Variants in MCF2L observed in about 807,000 individuals in gnomAD.
MCF2L encodes MCF.2 cell line derived transforming sequence like, also known as guanine nucleotide exchange factor DBS.
In MCF2L, 97 loss-of-function variants were observed where a neutral mutation model predicts 153.4. The observed-to-expected ratio is 0.63, with a 90% CI of 0.54 to 0.75. MCF2L has a LOEUF of 0.75. Among genes scored for constraint, MCF2L ranks in the 30% least tolerant of loss-of-function variants. The pLI is 0.00. For missense variants in MCF2L, 1,347 were observed against 1,495.2 expected (o/e 0.90, Z 1.64); for synonymous variants, 659 against 632.2 (o/e 1.04, Z -0.64).
Position 112,933,534 on chromosome 13 carries a change from C to T in MCF2L, c.169+31163C>T, listed in dbSNP as rs371195672. On this transcript the variant is annotated intron_variant, in intron 2 of 29. Transcript: ENST00000375608. ...GGAGAGGCCCCAGGACAGCCCTGGC[C>T]CTGCTGCAGATTCAGAAAGTGGGGG... 2.3e-3 allele frequency among the ~76,000 whole-genome samples: 346 copies of T among 152,294 alleles called. 2 individuals are homozygous for T. The highest frequency in any genetic ancestry group is 8.0e-3 in the African/African-American group (334 of 41,558).
At chr13:112,994,370 C>CA (rs1470375704) in intron 1 of MCF2L, among the ~76,000 whole-genome samples, 3 of 150,964 alleles carry the variant, frequency 2.0e-5, no homozygotes, top group Non-Finnish European at 4.4e-5. Flanking sequence ...GCCAATGGGG[C>CA]AAGGTGCGTG....
chr13:112,924,990 T>C (rs892478525), intron 2 of MCF2L, among the ~76,000 whole-genome samples: 11 of 152,210 alleles, frequency 7.2e-5, no homozygotes, highest in African/African-American at 2.7e-4. Flanking sequence ...AAGATGACCT[T>C]GGTTATCAAT....
chr13:112,950,814 A>G (rs1171359875), intron 2 of MCF2L, among the ~76,000 whole-genome samples: 4 of 152,334 alleles, frequency 2.6e-5, no homozygotes, highest in Admixed American at 2.6e-4. Context: ...CTTAGGACCT[A>G]AAGCTGAACA....
chr13:112,967,738 G>A (rs1295695093), upstream of MCF2L: 1 of 152,978 alleles, frequency 6.5e-6, no homozygotes, highest in African/African-American at 2.4e-5. Flanking sequence ...TGCTCTTTTG[G>A]ACGCTGGAAT....
rs958465746 is a variant in MCF2L at position 113,096,401 on chromosome 13, C to T, written c.3106C>T (p.His1036Tyr). ...AGGTAAATACACGGTCGTGGCGGAC[C>T]ACGAGAAGGGAGGCCCCGATGCGCT... ...VPGKYTVVAD[H>Y]EKGGPDALRV... Residue 1036 changes from histidine to tyrosine, a missense_variant, in exon 28 of 30, where the codon CAC (histidine) becomes TAC (tyrosine). Physicochemically the swap from His to Tyr is moderately conservative, Grantham distance 83. Transcript: ENST00000535094. The T allele has an allele frequency of 6.3e-7, 1 of 1,592,566 alleles. No individual in the cohort carries two copies. The highest frequency in any genetic ancestry group is 1.3e-5 in the African/African-American group (1 of 74,522).
At chr13:112,966,981 A>G (rs972401831), upstream of MCF2L, among the ~76,000 whole-genome samples, 1 of 152,190 alleles carries the variant, frequency 6.6e-6, no homozygotes, top group Admixed American at 6.5e-5. This position sits in a 1 kb window ranked among gnomAD's most constrained non-coding sequence, Gnocchi z 4.1. Flanking sequence ...AAGGCTGGGC[A>G]GGCTGGAGGG....
chr13:113,092,789 C>A (rs2035328596), intron 26 of MCF2L, among the ~76,000 whole-genome samples: 1 of 152,258 alleles, frequency 6.6e-6, no homozygotes. Flanking sequence ...TGTTGGCCTC[C>A]CCCGCGCCCT....
At chr13:112,986,230 C>G (rs1226006750) in intron 1 of MCF2L, among the ~76,000 whole-genome samples, 8 of 151,876 alleles carry the variant, frequency 5.3e-5, no homozygotes, top group Admixed American at 5.2e-4. Flanking sequence ...GGGCCGCGGC[C>G]GGATGCCATG....
In MCF2L at chr13:113,097,405, T is replaced by C. The variant is rs1050134204; in HGVS notation, c.*546T>C. The C allele has an allele frequency of 6.6e-6, 1 of 152,402 alleles. No individual in the cohort carries two copies. Among genetic ancestry groups the C allele is most frequent in the African/African-American group, 2.4e-5 (1 of 41,478 alleles). 9.4% of individuals were successfully genotyped at this position (152,402 alleles called of 1,614,324 possible). ...ATACTGTATTTGATAGAAAACTATT[T>C]TTTTGTTACCGGGGTTTACATAGAA... On this transcript the variant is annotated 3_prime_UTR_variant, in exon 30 of 30. Transcript: ENST00000535094.
chr13:113,011,881 G>T (rs1459853892), intron 1 of MCF2L, among the ~76,000 whole-genome samples: 2 of 111,988 alleles, frequency 1.8e-5, no homozygotes, highest in African/African-American at 6.5e-5. Flanking sequence ...TGATGCGGAC[G>T]GTGGACAGGC....
intron 27 of MCF2L, chr13:113,095,827 A>G (rs2035600362): frequency 1.0e-6 from 1 of 993,814 alleles, no homozygotes; most frequent in Non-Finnish European, 1.2e-6. Context: ...AACGTGTTCC[A>G]TGACATCTGT....
intron 15 of MCF2L, 31 bp from the exon 16 acceptor site, chr13:113,081,182 C>T: frequency 6.4e-7 from 1 of 1,555,814 alleles, no homozygotes; most frequent in Non-Finnish European, 8.7e-7. Context: ...CAGTGCTAAC[C>T]TTTTTTGCTC....
intron 3 of MCF2L, among the ~76,000 whole-genome samples, chr13:113,032,510 C>T (rs938959833): frequency 1.1e-4 from 16 of 152,208 alleles, no homozygotes; most frequent in Non-Finnish European, 4.4e-5. Context: ...TTCTGTTCAG[C>T]GGTGTGTCGT....
At chr13:112,959,926 G>A (rs1594385461) in intron 2 of MCF2L, among the ~76,000 whole-genome samples, 1 of 152,342 alleles carries the variant, frequency 6.6e-6, no homozygotes, top group South Asian at 2.1e-4. Context: ...CAGTGGACAC[G>A]CTGTGGCCTG....
rs2033251111 is a variant in MCF2L, at chr13:113,074,576, C to T, written c.1116+13C>T. 6.2e-7 allele frequency: 1 copy of T among 1,611,898 alleles called. No individual in the cohort carries two copies. Among genetic ancestry groups the T allele is most frequent in the Non-Finnish European group, 8.5e-7 (1 of 1,178,442 alleles). On this transcript the variant is annotated intron_variant, in intron 10 of 29. Coordinates refer to ENST00000535094, the MANE Select transcript of MCF2L (RefSeq NM_001112732.3). This position sits in a 1 kb window ranked among gnomAD's most constrained non-coding sequence, Gnocchi z 4.2. ...GGAGAAATCAGGCGTAAGGCGGGGT[C>T]CCGGCGGGGGCGGCGGGAGAGTGTG...
intron 1 of MCF2L, chr13:112,979,412 C>T: frequency 1.4e-6 from 2 of 1,391,550 alleles, no homozygotes; most frequent in Non-Finnish European, 1.9e-6. Flanking sequence ...GTGGCTCGGG[C>T]CAGGCTCTGG....
intron 3 of MCF2L, among the ~76,000 whole-genome samples, chr13:113,041,447 G>A (rs560424137): frequency 3.3e-5 from 5 of 151,024 alleles, no homozygotes; most frequent in African/African-American, 1.2e-4. Flanking sequence ...CAGTATGGGG[G>A]ATCATGTGGC....
At chr13:112,916,858 C>A (rs1381552209) in intron 2 of MCF2L, among the ~76,000 whole-genome samples, 1 of 152,136 alleles carries the variant, frequency 6.6e-6, no homozygotes, top group African/African-American at 2.4e-5. Flanking sequence ...AGAGCTGAAC[C>A]AGTTGGAAGA....
At chr13:113,022,441 C>T (rs980170990) in intron 2 of MCF2L, among the ~76,000 whole-genome samples, 1 of 150,694 alleles carries the variant, frequency 6.6e-6, no homozygotes, top group Non-Finnish European at 1.5e-5. Context: ...CACAGGGACG[C>T]AGGGGGTCTC....
Sources: allele counts gnomAD v4.1 joint callset (sites outside exome capture counted in the v4.1 genomes callset), GRCh38; gene constraint gnomAD v4.1.1; non-coding constraint Gnocchi (gnomAD v3.1); transcripts MANE v1.5; gene names NCBI Gene and HGNC (gene_info 2026-07-23, HGNC 2026-07-21).